Variants in PRKN observed in about 807,000 individuals in gnomAD.
PRKN encodes E3 ubiquitin-protein ligase parkin.
Under a neutral mutation model 59.5 loss-of-function variants are expected in PRKN, and 56 were observed. The ratio of observed to expected loss-of-function variants is 0.94; its 90% CI spans 0.76 to 1.18. The LOEUF (loss-of-function observed/expected upper bound fraction) is 1.18. Among genes scored for constraint, PRKN ranks in the 50% most tolerant of loss-of-function variants. The pLI is 0.00. For missense variants in PRKN, 657 were observed against 596.4 expected, an observed-to-expected ratio of 1.10 and a Z score of -1.06; for synonymous variants, 250 against 222.1, an observed-to-expected ratio of 1.13 and a Z score of -1.12.
At chr6:161,849,203 C>T (rs952297749) in intron 6 of PRKN, among the ~76,000 whole-genome samples, 1 of 152,168 alleles carries the variant, frequency 6.6e-6, no homozygotes, top group African/African-American at 2.4e-5. Flanking sequence ...TGGGTCTCTA[C>T]ATTGCCAAAC....
At position 161,848,744 on chromosome 6, in the gene PRKN, T is replaced by C. The variant is rs185846512; in HGVS notation, c.735-62836A>G. On this transcript the variant is annotated intron_variant, in intron 6 of 11. Coordinates refer to ENST00000366898, the MANE Select transcript of PRKN (RefSeq NM_004562.3). ...AAATAGGTCTCTCTCTTGATGGTTT[T>C]GGTGTTTCCGAATTTTCCAGACCAT... 2.1e-3 allele frequency among the ~76,000 whole-genome samples: 317 copies of C among 152,352 alleles called. 2 individuals are homozygous for C. Among genetic ancestry groups the C allele is most frequent in the African/African-American group, 7.0e-3 (290 of 41,582 alleles).
chr6:162,725,467 G>A (rs1779112653), intron 1 of PRKN, among the ~76,000 whole-genome samples: 1 of 152,148 alleles, frequency 6.6e-6, no homozygotes, highest in African/African-American at 2.4e-5. Flanking sequence ...TTACTGAAAT[G>A]TGGCTAATGA....
chr6:161,688,553 G>C (rs1785653895), intron 7 of PRKN, among the ~76,000 whole-genome samples: 1 of 152,176 alleles, frequency 6.6e-6, no homozygotes. Context: ...AAACATGATT[G>C]CTCTTGTTTC....
Position 161,924,492 on chromosome 6 carries a change from G to T in PRKN, c.734+48810C>A, listed in dbSNP as rs900010577. On this transcript the variant is annotated intron_variant, in intron 6 of 11. Transcript: ENST00000366898. ...CAGCATAGTGCCTGACACACAGCAAGATTTTAATAACTACTCACTGAATCT... is the reference window on the plus strand; with the variant it reads ...CAGCATAGTGCCTGACACACAGCAATATTTTAATAACTACTCACTGAATCT... Among the ~76,000 whole-genome samples the T allele has an allele frequency of 1.3e-5, 2 of 152,178 alleles. 1 individual carries two copies. Among genetic ancestry groups the T allele is most frequent in the African/African-American group, 4.8e-5 (2 of 41,450 alleles).
At chr6:161,430,779 C>T (rs1788603853) in intron 9 of PRKN, among the ~76,000 whole-genome samples, 1 of 132,940 alleles carries the variant, frequency 7.5e-6, no homozygotes, top group African/African-American at 2.9e-5. Context: ...TGCGCCACTG[C>T]ACTCCAGCCT....
At chr6:162,131,751 A>AATGTAAG (rs1465352219) in intron 4 of PRKN, among the ~76,000 whole-genome samples, 1 of 152,234 alleles carries the variant, frequency 6.6e-6, no homozygotes, top group Admixed American at 6.5e-5. Flanking sequence ...CAGATACAAA[A>AATGTAAG]ATGTAAGATT....
chr6:161,741,362 G>A lies in PRKN; in HGVS notation c.871+44410C>T, dbSNP rs186832512. Among the ~76,000 whole-genome samples, 283 of 152,302 alleles carry A rather than the reference G, an allele frequency of 1.9e-3. 1 individual carries two copies. Among genetic ancestry groups the A allele is most frequent in the African/African-American group, 6.4e-3 (266 of 41,564 alleles). On this transcript the variant is annotated intron_variant, in intron 7 of 11. Transcript: ENST00000366898. ...GAAGCATAAGAGTAACAAGACACTC[G>A]ATGAGACAAATCTCAGAGGCAGGGC...
At chr6:162,008,567 G>A (rs1297398763) in intron 5 of PRKN, among the ~76,000 whole-genome samples, 1 of 152,084 alleles carries the variant, frequency 6.6e-6, no homozygotes, top group Non-Finnish European at 1.5e-5. Flanking sequence ...AAAGTCTGGT[G>A]GTTAATGAAC....
chr6:162,129,786 G>A (rs181093204), intron 4 of PRKN, among the ~76,000 whole-genome samples: 2 of 151,900 alleles, frequency 1.3e-5, no homozygotes. Context: ...ATATATAATG[G>A]CCTACTTCTT....
intron 2 of PRKN, among the ~76,000 whole-genome samples, chr6:162,405,210 C>G (rs546261118): frequency 2.0e-5 from 3 of 152,210 alleles, no homozygotes; most frequent in Admixed American, 1.3e-4. Context: ...TATTATTTTT[C>G]TAAACATCCT....
intron 2 of PRKN, among the ~76,000 whole-genome samples, chr6:162,440,998 T>C (rs947288536): frequency 3.9e-4 from 59 of 152,250 alleles, no homozygotes; most frequent in African/African-American, 1.4e-3. Context: ...GAAACTCTTC[T>C]ATGAACAAAG....
intron 1 of PRKN, among the ~76,000 whole-genome samples, chr6:162,612,458 C>T (rs1409974684): frequency 6.6e-6 from 1 of 151,368 alleles, no homozygotes; most frequent in Non-Finnish European, 1.5e-5. Context: ...GCAGAGACAT[C>T]GCGGTATTGA....
At chr6:162,480,992 G>GTT (rs1239893775) in intron 1 of PRKN, among the ~76,000 whole-genome samples, 2 of 151,838 alleles carry the variant, frequency 1.3e-5, no homozygotes, top group African/African-American at 4.8e-5. Context: ...GTGTGTGTGT[G>GTT]TGTGTATTTT....
intron 5 of PRKN, among the ~76,000 whole-genome samples, chr6:162,031,424 CA>C (rs1783633518): frequency 6.6e-6 from 1 of 151,860 alleles, no homozygotes; most frequent in Non-Finnish European, 1.5e-5. Flanking sequence ...TTTTATCTCT[CA>C]TAGGCAAGAG....
intron 4 of PRKN, among the ~76,000 whole-genome samples, chr6:162,062,485 T>C (rs544372476): frequency 2.0e-5 from 3 of 152,302 alleles, no homozygotes; most frequent in Non-Finnish European, 4.4e-5. Context: ...TTCCTCAGAA[T>C]GTGAATGCAT....
At chr6:162,601,744 T>C (rs1781721242) in intron 1 of PRKN, among the ~76,000 whole-genome samples, 1 of 152,086 alleles carries the variant, frequency 6.6e-6, no homozygotes, top group East Asian at 1.9e-4. Context: ...ATATGAGGAG[T>C]ATATTTAAAG....
chr6:162,370,162 G>A (rs187725340), intron 2 of PRKN, among the ~76,000 whole-genome samples: 4 of 152,240 alleles, frequency 2.6e-5, no homozygotes, highest in African/African-American at 9.6e-5. Context: ...TTTTTGATGT[G>A]ATCGTCAGCT....
At chr6:162,415,460 T>C (rs570757379) in intron 2 of PRKN, among the ~76,000 whole-genome samples, 1 of 151,632 alleles carries the variant, frequency 6.6e-6, no homozygotes, top group African/African-American at 2.4e-5. Flanking sequence ...AATATCTTTA[T>C]GGTGAAAGCT....
chr6:162,059,298 C>A (rs151038457), intron 4 of PRKN, among the ~76,000 whole-genome samples: 3 of 145,406 alleles, frequency 2.1e-5, no homozygotes, highest in Non-Finnish European at 3.0e-5. Context: ...GAATGGAATT[C>A]TTTTGAATCT....
Sources: allele counts gnomAD v4.1 joint callset (sites outside exome capture counted in the v4.1 genomes callset), GRCh38; gene constraint gnomAD v4.1.1; transcripts MANE v1.5; gene names NCBI Gene and HGNC (gene_info 2026-07-23, HGNC 2026-07-21).